Variants in ADAMTS6 observed in about 807,000 individuals in gnomAD.
ADAMTS6 encodes the protein A disintegrin and metalloproteinase with thrombospondin motifs 6.
A neutral mutation model predicts 144.3 loss-of-function variants in ADAMTS6; 23 were observed. That is an observed-to-expected ratio of 0.16 (90% CI 0.11 to 0.23). ADAMTS6 has a LOEUF of 0.23. Ranked by LOEUF, ADAMTS6 falls within the 10% of genes least tolerant of loss-of-function variation. The pLI is 1.00. For synonymous variants in ADAMTS6, 444 were observed against 457.5 expected (o/e 0.97, Z 0.38); for missense variants, 999 against 1,379.6 (o/e 0.72, Z 4.37).
intron 7 of ADAMTS6, among the ~76,000 whole-genome samples, chr5:65,417,821 A>G (rs949988643): frequency 6.6e-6 from 1 of 152,222 alleles, no homozygotes; most frequent in African/African-American, 2.4e-5. Context: ...TATGGATTCA[A>G]TGCTATTCCT....
At chr5:65,227,354 G>GA (rs1183771768) in intron 15 of ADAMTS6, among the ~76,000 whole-genome samples, 2 of 150,762 alleles carry the variant, frequency 1.3e-5, no homozygotes, top group Non-Finnish European at 1.5e-5. Flanking sequence ...CAGTATATTG[G>GA]AAAAATAGCA....
chr5:65,406,141 T>C (rs191951767), intron 7 of ADAMTS6, among the ~76,000 whole-genome samples: 9 of 152,238 alleles, frequency 5.9e-5, no homozygotes, highest in Non-Finnish European at 1.0e-4. Context: ...CCTTTATTTC[T>C]TTCTCCTGCC....
intron 3 of ADAMTS6, among the ~76,000 whole-genome samples, chr5:65,470,571 TA>T (rs1760353518): frequency 1.3e-5 from 2 of 152,056 alleles, no homozygotes; most frequent in African/African-American, 4.8e-5. Flanking sequence ...AATAGAGTTT[TA>T]AAAGCTGCCC....
chr5:65,385,296 A>AT (rs567586802), intron 7 of ADAMTS6, among the ~76,000 whole-genome samples: 87 of 152,314 alleles, frequency 5.7e-4, no homozygotes, highest in Middle Eastern at 3.4e-3. Flanking sequence ...GACAGTATGA[A>AT]TTTTTTATTC....
chr5:65,266,945 T>C (rs1280055493), intron 12 of ADAMTS6, among the ~76,000 whole-genome samples: 1 of 152,066 alleles, frequency 6.6e-6, no homozygotes, highest in African/African-American at 2.4e-5. Flanking sequence ...GGGGACTTCA[T>C]GTGGATCAAG....
At chr5:65,273,312 C>T in intron 12 of ADAMTS6, 28 bp downstream of exon 12, 1 of 1,596,248 alleles carries the variant, frequency 6.3e-7, no homozygotes, top group East Asian at 2.2e-5. Flanking sequence ...GTATACATGT[C>T]AAACAGGTAG....
intron 9 of ADAMTS6, among the ~76,000 whole-genome samples, chr5:65,320,855 C>T (rs938953354): frequency 1.3e-5 from 2 of 152,170 alleles, no homozygotes; most frequent in African/African-American, 4.8e-5. Flanking sequence ...CCAGGTCCAT[C>T]CAAGTCCCTG....
At chr5:65,321,965 C>A (rs900366941) in intron 9 of ADAMTS6, among the ~76,000 whole-genome samples, 4 of 152,016 alleles carry the variant, frequency 2.6e-5, no homozygotes, top group Non-Finnish European at 5.9e-5. Flanking sequence ...ATTCACCCGC[C>A]TCAGCCTCCC....
In ADAMTS6 at chr5:65,252,073, T is replaced by C. The variant is rs1760211299; in HGVS notation, c.1830+8527A>G. On this transcript the variant is annotated intron_variant, in intron 14 of 24. Coordinates refer to ENST00000381055, the MANE Select transcript of ADAMTS6 (RefSeq NM_197941.4). Reference sequence around the variant, plus strand: ...CCTATGTTGACTCTAGGTCCTAATTTCTCCATTAACCTAAGCAAAAAAGAG... The same window carrying C: ...CCTATGTTGACTCTAGGTCCTAATTCCTCCATTAACCTAAGCAAAAAAGAG... Among the ~76,000 whole-genome samples, 3 of 152,186 alleles carry C rather than the reference T, an allele frequency of 2.0e-5. No individual in the cohort carries two copies. The South Asian group carries it at 6.2e-4, about 32-fold the overall frequency.
intron 7 of ADAMTS6, among the ~76,000 whole-genome samples, chr5:65,372,005 T>C (rs568693544): frequency 1.3e-5 from 2 of 152,124 alleles, no homozygotes; most frequent in South Asian, 4.1e-4. Context: ...ACCCCGAATT[T>C]CATATCCAGC....
intron 11 of ADAMTS6, among the ~76,000 whole-genome samples, chr5:65,280,288 C>G (rs1762887409): frequency 6.6e-6 from 1 of 152,198 alleles, no homozygotes; most frequent in Non-Finnish European, 1.5e-5. Flanking sequence ...ATAGAAACCT[C>G]TTTCATAAAA....
intron 4 of ADAMTS6, among the ~76,000 whole-genome samples, chr5:65,459,498 C>T (rs1759489051): frequency 6.6e-6 from 1 of 152,158 alleles, no homozygotes; most frequent in Admixed American, 6.5e-5. Context: ...TATCCAGTTA[C>T]ATGAACTGTC....
At chr5:65,387,630 T>C (rs1183384066) in intron 7 of ADAMTS6, among the ~76,000 whole-genome samples, 2 of 152,152 alleles carry the variant, frequency 1.3e-5, no homozygotes, top group Admixed American at 1.3e-4. Context: ...AGTGGTGACA[T>C]TTATGGTCAC....
At chr5:65,209,391 T>C (rs4700670) in intron 20 of ADAMTS6, among the ~76,000 whole-genome samples, 19,267 of 152,166 alleles carry the variant, frequency 0.13, 1,502 homozygotes, top group African/African-American at 0.21. Context: ...TGGGCTTGGA[T>C]TTCTCTCTGA....
chr5:65,438,458 C>T (rs1396187348), intron 7 of ADAMTS6, among the ~76,000 whole-genome samples: 4 of 152,068 alleles, frequency 2.6e-5, no homozygotes, highest in African/African-American at 9.7e-5. Flanking sequence ...AACCAGGAGG[C>T]GGAGGGTGCA....
At chr5:65,309,926 T>C (rs66724425) in intron 9 of ADAMTS6, among the ~76,000 whole-genome samples, 41,781 of 151,696 alleles carry the variant, frequency 0.28, 5,833 homozygotes, top group South Asian at 0.32. Context: ...GGGCAACTGA[T>C]ATGGTTTGGA....
intron 15 of ADAMTS6, among the ~76,000 whole-genome samples, chr5:65,235,813 A>C (rs539765691): frequency 6.6e-6 from 1 of 152,272 alleles, no homozygotes; most frequent in Admixed American, 6.5e-5. Flanking sequence ...CCTCTAGAGA[A>C]CCCTGACTAA....
chr5:65,278,418 T>G (rs541268871), intron 11 of ADAMTS6, among the ~76,000 whole-genome samples: 1 of 152,332 alleles, frequency 6.6e-6, no homozygotes, highest in East Asian at 1.9e-4. Flanking sequence ...ATGCTTTCCA[T>G]TGAGGTACTA....
chr5:65,380,953 CTG>C (rs562832337), intron 7 of ADAMTS6, among the ~76,000 whole-genome samples: 58 of 152,198 alleles, frequency 3.8e-4, no homozygotes, highest in African/African-American at 1.1e-3. Flanking sequence ...TGATTTGAAA[CTG>C]TGGAAATTCT....
Sources: gnomAD v4.1 joint callset for allele counts (sites outside exome capture counted in the v4.1 genomes callset) on GRCh38, gnomAD v4.1.1 for gene constraint, MANE v1.5 for transcripts, NCBI Gene and HGNC (gene_info 2026-07-23, HGNC 2026-07-21) for gene names.